Variants in PRDM5 observed in about 807,000 individuals in gnomAD.
PRDM5 encodes PR/SET domain 5.
PRDM5 carries 56 observed loss-of-function variants against 81.2 expected under a neutral mutation model. That is an observed-to-expected ratio of 0.69 (90% CI 0.56 to 0.86). PRDM5 has a LOEUF of 0.86. PRDM5 is among the 40% of genes least tolerant of loss of function. The pLI, the probability that PRDM5 is intolerant of heterozygous loss-of-function variation, is 0.00. For missense variants in PRDM5, 697 were observed against 770.1 expected (o/e 0.91, Z 1.12); for synonymous variants, 267 against 256.4 (o/e 1.04, Z -0.39).
chr4:120,749,897 A>ACTTCT (rs1246402174), intron 14 of PRDM5, among the ~76,000 whole-genome samples: 2 of 152,132 alleles, frequency 1.3e-5, no homozygotes, highest in East Asian at 3.9e-4. Context: ...TCATGCCCCA[A>ACTTCT]ACCTTCTACT....
At chr4:120,842,799 T>C (rs1758174869) in intron 3 of PRDM5, among the ~76,000 whole-genome samples, 1 of 152,198 alleles carries the variant, frequency 6.6e-6, no homozygotes. Flanking sequence ...ACACTTTCAC[T>C]ATCACCAATC....
intron 2 of PRDM5, among the ~76,000 whole-genome samples, chr4:120,887,803 T>TG (rs1763606141): frequency 1.0e-5 from 1 of 96,598 alleles, no homozygotes; most frequent in African/African-American, 6.3e-5. Flanking sequence ...TTTTTTTTTT[T>TG]TTTTTTTGAG....
intron 15 of PRDM5, among the ~76,000 whole-genome samples, chr4:120,697,669 TA>T (rs199641134): frequency 0.68 from 64,072 of 93,816 alleles, 19,644 homozygotes; most frequent in South Asian, 0.82. Context: ...CCCAGCTAAC[TA>T]TTTTTTTTTT....
intron 14 of PRDM5, among the ~76,000 whole-genome samples, chr4:120,723,955 T>A (rs1263057583): frequency 7.1e-6 from 1 of 140,030 alleles, no homozygotes. Flanking sequence ...TTTTTTTGCA[T>A]GTTGCTGGGA....
At chr4:120,903,425 G>A (rs1765424777) in intron 2 of PRDM5, among the ~76,000 whole-genome samples, 1 of 152,190 alleles carries the variant, frequency 6.6e-6, no homozygotes, top group South Asian at 2.1e-4. Flanking sequence ...GACTTTCAAT[G>A]GTATAACTCA....
intron 10 of PRDM5, among the ~76,000 whole-genome samples, chr4:120,795,036 A>G (rs188939524): frequency 6.6e-6 from 1 of 152,328 alleles, no homozygotes; most frequent in Admixed American, 6.5e-5. Flanking sequence ...TTAAGGCCCA[A>G]TGGAATTATT....
chr4:120,738,386 C>A (rs1280172464), intron 14 of PRDM5, among the ~76,000 whole-genome samples: 1 of 152,114 alleles, frequency 6.6e-6, no homozygotes, highest in East Asian at 1.9e-4. Flanking sequence ...TAATATGACA[C>A]CAATTATAAG....
chr4:120,685,221 T>A (rs566208630), intron 1 of PRDM5, among the ~76,000 whole-genome samples: 1 of 152,212 alleles, frequency 6.6e-6, no homozygotes, highest in African/African-American at 2.4e-5. Flanking sequence ...TACTATTATT[T>A]AATTTTGTTA....
chr4:120,705,534 T>C (rs1452834288), intron 15 of PRDM5, among the ~76,000 whole-genome samples: 11 of 152,214 alleles, frequency 7.2e-5, no homozygotes, highest in Admixed American at 5.2e-4. Flanking sequence ...AGGTTCAATG[T>C]GTCCAAAAAA....
chr4:120,898,078 C>T (rs2148651386), intron 2 of PRDM5, among the ~76,000 whole-genome samples: 1 of 152,248 alleles, frequency 6.6e-6, no homozygotes, highest in East Asian at 1.9e-4. Context: ...AGTAGATTTA[C>T]CCTGTTTTCT....
rs1488201309 is a variant in PRDM5 at position 120,853,416 on chromosome 4, A to G, written c.300+2T>C. On this transcript the variant is annotated splice_donor_variant, in intron 3 of 15. Coordinates refer to ENST00000264808, the MANE Select transcript of PRDM5 (RefSeq NM_018699.4). LOFTEE classifies it high-confidence loss of function. ...GTACAAATGAGAAGCAAATAAGCTC[A>G]CTTGAATGGCAGCCAAGTTCTTCTG... 3 of 1,613,436 alleles carry G rather than the reference A, an allele frequency of 1.9e-6. No individual in the cohort carries two copies. Among genetic ancestry groups the G allele is most frequent in the South Asian group, 2.2e-5 (2 of 91,076 alleles).
At chr4:120,915,048 T>C (rs1441436706) in intron 1 of PRDM5, among the ~76,000 whole-genome samples, 8 of 152,112 alleles carry the variant, frequency 5.3e-5, no homozygotes, top group African/African-American at 1.9e-4. Flanking sequence ...GGATTTAATA[T>C]ACATTACTCA....
rs752517242 is a variant in PRDM5, at chr4:120,777,263, C to A, written c.1462G>T (p.Glu488Ter). ...TGGCCACAATATGGACAGATTTTCT[C>A]CTTTTCTCCTGTATGTGTCTAAAAG... Reference protein sequence around the residue: ...SHKKTHTGEKEKICPYCGQKF... With the variant: ...SHKKTHTGEK Residue 488 changes from glutamate (E) to a stop codon, truncating the protein, a stop_gained, in exon 13 of 16, where the codon GAG (glutamate) becomes TAG (stop). Coordinates refer to ENST00000264808, the MANE Select transcript of PRDM5 (RefSeq NM_018699.4). LOFTEE classifies it high-confidence loss of function. 2 of 1,613,352 alleles carry A rather than the reference C, an allele frequency of 1.2e-6. No homozygotes were observed. Among genetic ancestry groups the A allele is most frequent in the Admixed American group, 3.3e-5 (2 of 59,952 alleles).
At chr4:120,817,111 T>C (rs1190361584) in intron 5 of PRDM5, among the ~76,000 whole-genome samples, 187 bp from the exon 6 acceptor site, 4 of 152,214 alleles carry the variant, frequency 2.6e-5, no homozygotes, top group Non-Finnish European at 5.9e-5. Flanking sequence ...TTTGTATAAA[T>C]ATATAATACT....
chr4:120,728,665 C>T (rs1739798861), intron 14 of PRDM5, among the ~76,000 whole-genome samples: 1 of 152,122 alleles, frequency 6.6e-6, no homozygotes, highest in Non-Finnish European at 1.5e-5. Flanking sequence ...GCAACATCTA[C>T]CCCGCCCCCT....
intron 1 of PRDM5, among the ~76,000 whole-genome samples, chr4:120,917,028 T>C (rs1724253847): frequency 6.6e-6 from 1 of 152,246 alleles, no homozygotes. Flanking sequence ...TTCAAAACTC[T>C]GCAGTGCCCT....
chr4:120,727,727 G>A (rs1211806363), intron 14 of PRDM5, among the ~76,000 whole-genome samples: 1 of 152,098 alleles, frequency 6.6e-6, no homozygotes, highest in Non-Finnish European at 1.5e-5. Context: ...CTTGAGTTCA[G>A]GAGTTCGAGA....
At chr4:120,862,458 A>G (rs1760711020) in intron 2 of PRDM5, among the ~76,000 whole-genome samples, 1 of 152,232 alleles carries the variant, frequency 6.6e-6, no homozygotes, top group Non-Finnish European at 1.5e-5. Flanking sequence ...ATACAATGCC[A>G]AGTCCTGAGG....
chr4:120,779,153 A>G (rs1383544754), intron 12 of PRDM5, among the ~76,000 whole-genome samples: 3 of 152,178 alleles, frequency 2.0e-5, no homozygotes, highest in African/African-American at 4.8e-5. Context: ...TTAGGGTTAT[A>G]TTAATGAAAA....
Sources: allele counts gnomAD v4.1 joint callset (sites outside exome capture counted in the v4.1 genomes callset), GRCh38; gene constraint gnomAD v4.1.1; transcripts MANE v1.5; gene names NCBI Gene and HGNC (gene_info 2026-07-23, HGNC 2026-07-21).